The following ZNF385D variants were observed in gnomAD, a reference collection of about 807,000 sequenced individuals.
ZNF385D encodes the protein zinc finger protein 659.
Under a neutral mutation model 35.8 loss-of-function variants are expected in ZNF385D, and 15 were observed. The ratio of observed to expected loss-of-function variants is 0.42; its 90% CI spans 0.28 to 0.64. The LOEUF (loss-of-function observed/expected upper bound fraction) is 0.64. Ranked by LOEUF, ZNF385D falls within the 30% of genes least tolerant of loss-of-function variation. ZNF385D has a pLI of 0.23. For synonymous variants in ZNF385D, 212 were observed against 186.8 expected, an observed-to-expected ratio of 1.13 and a Z score of -1.10; for missense variants, 474 against 494.6, an observed-to-expected ratio of 0.96 and a Z score of 0.39.
At chr3:22,082,523 T>A (rs753350348) in intron 3 of ZNF385D, among the ~76,000 whole-genome samples, 101 of 152,094 alleles carry the variant, frequency 6.6e-4, no homozygotes, top group Non-Finnish European at 1.1e-3. Flanking sequence ...TTGCTGAGGC[T>A]TGAGTAGGTA....
chr3:21,494,994 A>G (rs1705715700), intron 4 of ZNF385D, among the ~76,000 whole-genome samples: 1 of 152,160 alleles, frequency 6.6e-6, no homozygotes, highest in Non-Finnish European at 1.5e-5. Context: ...TTTTCTTCAA[A>G]CAAATATTTT....
rs1699467735 is a variant in ZNF385D, at chr3:22,057,528, GAGAC to G, written c.325+111285_325+111288del. Among the ~76,000 whole-genome samples, 3 of 90,566 alleles carry G rather than the reference GAGAC, an allele frequency of 3.3e-5. No individual in the cohort carries two copies. The South Asian group carries it at 1.0e-3, about 32-fold the overall frequency. 59.4% of individuals were successfully genotyped at this position (90,566 alleles called of 152,430 possible). Reference sequence around the variant, plus strand: ...CTTTTAAAGTATTTTTTTTTTTTTTGAGACAGAGTCTCACTTTGTTGCCCAGGCT... The same window carrying G: ...CTTTTAAAGTATTTTTTTTTTTTTTGAGAGTCTCACTTTGTTGCCCAGGCT... On this transcript the variant is annotated intron_variant, in intron 3 of 5. Transcript: ENST00000494108.
At chr3:21,555,500 G>A (rs2062703988) in intron 3 of ZNF385D, among the ~76,000 whole-genome samples, 1 of 152,080 alleles carries the variant, frequency 6.6e-6, no homozygotes, top group Admixed American at 6.5e-5. Flanking sequence ...TGCTGAGAAT[G>A]ATGGTTTCCA....
intron 3 of ZNF385D, among the ~76,000 whole-genome samples, chr3:22,143,451 T>A (rs1167738465): frequency 6.6e-6 from 1 of 152,146 alleles, no homozygotes; most frequent in Non-Finnish European, 1.5e-5. Context: ...AAGACCTTTT[T>A]CACACTCCCA....
chr3:21,797,537 A>C (rs748571278), intron 3 of ZNF385D, among the ~76,000 whole-genome samples: 5 of 152,228 alleles, frequency 3.3e-5, no homozygotes, highest in Non-Finnish European at 7.3e-5. Context: ...TTCTACAAAC[A>C]ACTGTTTAAA....
intron 4 of ZNF385D, among the ~76,000 whole-genome samples, chr3:21,469,727 G>A (rs1703763363): frequency 6.6e-6 from 1 of 151,682 alleles, no homozygotes; most frequent in African/African-American, 2.4e-5. Flanking sequence ...TTATTGTAGT[G>A]AAACAAATAA....
At chr3:22,009,102 G>T (rs1334315988) in intron 3 of ZNF385D, among the ~76,000 whole-genome samples, 3 of 152,136 alleles carry the variant, frequency 2.0e-5, no homozygotes, top group Non-Finnish European at 4.4e-5. Context: ...ACTTTAGAGA[G>T]CACATTGTAA....
intron 3 of ZNF385D, among the ~76,000 whole-genome samples, chr3:21,840,616 C>T (rs548209286): frequency 2.0e-5 from 3 of 152,024 alleles, no homozygotes; most frequent in South Asian, 2.1e-4. Context: ...TGGGATTTGG[C>T]GACCCATAAG....
At chr3:21,966,560 T>G (rs1443476704) in intron 3 of ZNF385D, among the ~76,000 whole-genome samples, 1 of 152,174 alleles carries the variant, frequency 6.6e-6, no homozygotes, top group Admixed American at 6.5e-5. Context: ...AACCTATTGG[T>G]GTCAACTAGC....
chr3:21,840,842 G>A (rs1490468666), intron 3 of ZNF385D, among the ~76,000 whole-genome samples: 1 of 151,938 alleles, frequency 6.6e-6, no homozygotes, highest in East Asian at 1.9e-4. Flanking sequence ...TGAAAATGCT[G>A]AGAGGAGATC....
intron 2 of ZNF385D, among the ~76,000 whole-genome samples, chr3:22,257,439 A>G (rs1700372831): frequency 6.6e-6 from 1 of 151,796 alleles, no homozygotes; most frequent in South Asian, 2.1e-4. Context: ...TTGATGTGCA[A>G]TTGCATCATC....
At chr3:22,169,170 A>G in intron 2 of ZNF385D, 1 of 224,694 alleles carries the variant, frequency 4.5e-6, no homozygotes, top group Non-Finnish European at 7.4e-6. Flanking sequence ...ATTTTAATAG[A>G]TTGCTTTCAC....
chr3:22,133,087 A>G (rs923893039), intron 3 of ZNF385D, among the ~76,000 whole-genome samples: 1 of 152,202 alleles, frequency 6.6e-6, no homozygotes, highest in African/African-American at 2.4e-5. Flanking sequence ...ATGAAAGTGC[A>G]GCTAATTTAT....
At chr3:22,181,468 G>A (rs914976875) in intron 2 of ZNF385D, among the ~76,000 whole-genome samples, 4 of 151,934 alleles carry the variant, frequency 2.6e-5, no homozygotes, top group Admixed American at 6.6e-5. Context: ...AGGCCGAGGC[G>A]GGCGGATCAC....
chr3:21,687,145 G>T (rs1249442644), intron 1 of ZNF385D, among the ~76,000 whole-genome samples: 1 of 152,100 alleles, frequency 6.6e-6, no homozygotes, highest in Non-Finnish European at 1.5e-5. Flanking sequence ...TACAAACGGA[G>T]AACCCAGATC....
At chr3:22,182,749 G>T (rs1306151646) in intron 2 of ZNF385D, among the ~76,000 whole-genome samples, 1 of 152,008 alleles carries the variant, frequency 6.6e-6, no homozygotes, top group Non-Finnish European at 1.5e-5. Flanking sequence ...ACTGTTAAAA[G>T]AATCCAAATT....
chr3:21,535,311 C>G (rs1270413221), intron 3 of ZNF385D, among the ~76,000 whole-genome samples: 1 of 152,108 alleles, frequency 6.6e-6, no homozygotes, highest in Non-Finnish European at 1.5e-5. Context: ...ACACCTAATA[C>G]ATAAAAAATT....
chr3:21,740,588 AGGG>A (rs1424210354), intron 1 of ZNF385D, among the ~76,000 whole-genome samples: 2 of 152,198 alleles, frequency 1.3e-5, no homozygotes, highest in African/African-American at 4.8e-5. Context: ...TGTGGAAACC[AGGG>A]ATGGGCAGCA....
chr3:21,424,782 A>G (rs1444277005), intron 6 of ZNF385D, among the ~76,000 whole-genome samples: 1 of 151,098 alleles, frequency 6.6e-6, no homozygotes, highest in Non-Finnish European at 1.5e-5. Context: ...GGGACGAATG[A>G]ATTTATTTCC....
Sources: gnomAD v4.1 joint callset for allele counts (sites outside exome capture counted in the v4.1 genomes callset) on GRCh38, gnomAD v4.1.1 for gene constraint, MANE v1.5 for transcripts, NCBI Gene and HGNC (gene_info 2026-07-23, HGNC 2026-07-21) for gene names.